The following CASK variants were observed in gnomAD, a reference collection of about 807,000 sequenced individuals.
The protein encoded by CASK is peripheral plasma membrane protein CASK.
A neutral mutation model predicts 82.9 loss-of-function variants in CASK; 4 were observed. The ratio of observed to expected loss-of-function variants is 0.05; its 90% CI spans 0.02 to 0.11. CASK has a LOEUF of 0.11. CASK is among the 10% of genes least tolerant of loss of function. The pLI is 1.00. For missense variants in CASK, 358 were observed against 720.9 expected, an observed-to-expected ratio of 0.50 and a Z score of 5.76; for synonymous variants, 259 against 253.5, an observed-to-expected ratio of 1.02 and a Z score of -0.20.
rs1168221645 is a variant in CASK, at chrX:41,666,514, C to T, written c.533-1062G>A. Among the ~76,000 whole-genome samples the T allele has an allele frequency of 3.6e-5, 4 of 112,016 alleles. No homozygotes were observed. The Admixed American group carries it at 3.8e-4, about 11-fold the overall frequency. The stretch of plus-strand genomic sequence containing the variant: ...ATTGTGCAATACTTTATCTAGAACT[C>T]AGAACTGTGGTTTTAAAAGACCTTA... On this transcript the variant is annotated intron_variant, in intron 6 of 26. Coordinates refer to ENST00000378163, the MANE Select transcript of CASK (RefSeq NM_001367721.1).
chrX:41,676,999 T>C (rs1447455771), intron 5 of CASK, among the ~76,000 whole-genome samples: 1 of 110,581 alleles, frequency 9.0e-6, no homozygotes, highest in Non-Finnish European at 1.9e-5. Flanking sequence ...GAGGAGTTTG[T>C]AAGGTGGATC....
At chrX:41,904,405 C>G (rs1314063063) in intron 1 of CASK, among the ~76,000 whole-genome samples, 1 of 111,500 alleles carries the variant, frequency 9.0e-6, no homozygotes, top group East Asian at 2.8e-4. Context: ...ATCAGAAATT[C>G]AAATGAAAAA....
At chrX:41,920,073 G>C (rs1269632267) in intron 1 of CASK, among the ~76,000 whole-genome samples, 1 of 111,756 alleles carries the variant, frequency 8.9e-6, no homozygotes, top group Non-Finnish European at 1.9e-5. Context: ...TGGTTGCGTA[G>C]GTAGAGGAGT....
chrX:41,799,889 C>T (rs2069955568), intron 2 of CASK, among the ~76,000 whole-genome samples: 1 of 106,737 alleles, frequency 9.4e-6, no homozygotes, highest in African/African-American at 3.4e-5. Context: ...GGAAGAGCTA[C>T]TCGGGGTGGA....
intron 8 of CASK, among the ~76,000 whole-genome samples, chrX:41,647,251 T>G (rs986322041): frequency 5.3e-5 from 6 of 112,645 alleles, no homozygotes; most frequent in Admixed American, 3.8e-4. Flanking sequence ...TTCGGATTTC[T>G]GCATCACCCC....
At chrX:41,719,570 G>A (rs1162810640) in intron 5 of CASK, among the ~76,000 whole-genome samples, 1 of 111,836 alleles carries the variant, frequency 8.9e-6, no homozygotes, top group Non-Finnish European at 1.9e-5. Flanking sequence ...ACTCAGCAAG[G>A]CCATTTTTAC....
chrX:41,866,459 T>C (rs549611004), intron 1 of CASK, among the ~76,000 whole-genome samples: 1 of 112,476 alleles, frequency 8.9e-6, no homozygotes, highest in Middle Eastern at 4.6e-3. Context: ...GTCCTCAAAC[T>C]TCTAGTCCTG....
intron 2 of CASK, among the ~76,000 whole-genome samples, chrX:41,821,312 C>A (rs1463933755): frequency 9.0e-6 from 1 of 111,352 alleles, no homozygotes. Context: ...ATATGAATGG[C>A]CAATAAGTGC....
At chrX:41,545,429 T>C (rs1006928282) in intron 21 of CASK, among the ~76,000 whole-genome samples, 6 of 112,634 alleles carry the variant, frequency 5.3e-5, no homozygotes, top group Admixed American at 4.7e-4. Context: ...TGTCCATTCC[T>C]CATTGCTGTG....
At chrX:41,581,026 A>T (rs1011823672) in intron 14 of CASK, among the ~76,000 whole-genome samples, 5 of 112,352 alleles carry the variant, frequency 4.5e-5, no homozygotes, top group African/African-American at 1.3e-4. Context: ...CAGCCTTTCA[A>T]ATGGAATAAC....
intron 12 of CASK, among the ~76,000 whole-genome samples, chrX:41,596,833 C>G (rs891692542): frequency 8.9e-6 from 1 of 111,858 alleles, no homozygotes; most frequent in East Asian, 2.8e-4. Context: ...ATACCTACAC[C>G]GACACGCTTC....
chrX:41,544,564 T>TAAAAAAAAAAAAAAA (rs752196101), intron 21 of CASK, among the ~76,000 whole-genome samples: 2 of 48,402 alleles, frequency 4.1e-5, no homozygotes, highest in African/African-American at 1.6e-4. Flanking sequence ...AGACCTTGTC[T>TAAAAAAAAAAAAAAA]AAAAAAAAAA....
chrX:41,632,540 G>A (rs746986855), intron 9 of CASK, among the ~76,000 whole-genome samples: 3 of 111,550 alleles, frequency 2.7e-5, no homozygotes, highest in South Asian at 3.7e-4. Context: ...AGGTGCTAGC[G>A]CAACAGAGCA....
At chrX:41,877,038 G>A (rs1347744564) in intron 1 of CASK, among the ~76,000 whole-genome samples, 2 of 111,288 alleles carry the variant, frequency 1.8e-5, no homozygotes, top group Non-Finnish European at 3.8e-5. Flanking sequence ...GTCACTCTGC[G>A]CCAGTTTCCT....
At chrX:41,752,094 A>T (rs1471647550) in intron 3 of CASK, among the ~76,000 whole-genome samples, 1 of 108,990 alleles carries the variant, frequency 9.2e-6, no homozygotes, top group Non-Finnish European at 1.9e-5. Context: ...AAAAACCTCA[A>T]TGCTTACTAT....
At chrX:41,681,384 T>C (rs1279360985) in intron 5 of CASK, among the ~76,000 whole-genome samples, 1 of 111,903 alleles carries the variant, frequency 8.9e-6, no homozygotes, top group Non-Finnish European at 1.9e-5. Flanking sequence ...GAATGCAATA[T>C]TAAATCATAA....
chrX:41,861,392 A>G (rs1456443819), intron 1 of CASK, among the ~76,000 whole-genome samples: 2 of 111,119 alleles, frequency 1.8e-5, no homozygotes, highest in Non-Finnish European at 3.8e-5. Context: ...AAAGATTTTT[A>G]TAACATAAGA....
chrX:41,830,644 C>T (rs1237990663), intron 2 of CASK, among the ~76,000 whole-genome samples: 2 of 107,038 alleles, frequency 1.9e-5, no homozygotes, highest in Non-Finnish European at 3.9e-5. Context: ...CTCGGTGAAA[C>T]CCCGTCTCTA....
At chrX:41,819,355 A>C (rs1189515356) in intron 2 of CASK, among the ~76,000 whole-genome samples, 1 of 111,653 alleles carries the variant, frequency 9.0e-6, no homozygotes, top group East Asian at 2.8e-4. Flanking sequence ...AACAAATAAA[A>C]TGAAACTGAC....
Sources: gnomAD v4.1 joint callset for allele counts (sites outside exome capture counted in the v4.1 genomes callset) on GRCh38, gnomAD v4.1.1 for gene constraint, MANE v1.5 for transcripts, NCBI Gene and HGNC (gene_info 2026-07-23, HGNC 2026-07-21) for gene names.